The following FGF12 variants were observed in gnomAD, a reference collection of about 807,000 sequenced individuals.
FGF12 encodes the protein fibroblast growth factor 12.
In FGF12, 14 loss-of-function variants were observed where a neutral mutation model predicts 23.6. That is an observed-to-expected ratio of 0.59 (90% CI 0.39 to 0.93). FGF12 has a LOEUF of 0.93. Ranked by LOEUF, FGF12 falls within the 40% of genes least tolerant of loss-of-function variation. The pLI, the probability that FGF12 is intolerant of heterozygous loss-of-function variation, is 0.00. For synonymous variants in FGF12, 62 were observed against 77.3 expected (o/e 0.80, Z 1.04); for missense variants, 175 against 217.8 (o/e 0.80, Z 1.24).
chr3:192,686,815 A>ATTTTT lies in FGF12; in HGVS notation c.13+40361_13+40365dup, dbSNP rs57045697. ...AAAAAGACAATGACTTTTTTCTCTA[A>ATTTTT]TTTTTTTTTTTTTTTTTTTTTTTTT... On this transcript the variant is annotated intron_variant, in intron 2 of 5. Transcript: ENST00000445105. Among the ~76,000 whole-genome samples, 231 of 61,494 alleles carry ATTTTT rather than the reference A, an allele frequency of 3.8e-3. 25 individuals carry two copies. Among genetic ancestry groups the ATTTTT allele is most frequent in the African/African-American group, 0.016 (198 of 12,304 alleles). 40.3% of individuals were successfully genotyped at this position (61,494 alleles called of 152,430 possible).
Position 192,142,214 on chromosome 3 carries a change from C to A in FGF12, c.*1795G>T, listed in dbSNP as rs928557190. 6.6e-6 allele frequency: 1 copy of A among 152,458 alleles called. No individual in the cohort carries two copies. The allele number at this position is 152,458 out of a possible 1,614,324, so 9.4% of individuals were successfully genotyped here. On this transcript the variant is annotated 3_prime_UTR_variant, in exon 6 of 6. Transcript: ENST00000445105. ...ATTCCTTCATTTCATTTTCTGCTAA[C>A]CTCTAGATAACAGAAATAGGATACC...
At position 192,408,011 on chromosome 3, in the gene FGF12, G is replaced by A. The variant is rs752917783; in HGVS notation, c.14-47473C>T. 7.5e-6 allele frequency: 12 copies of A among 1,596,020 alleles called. No individual in the cohort carries two copies. Among genetic ancestry groups the A allele is most frequent in the Admixed American group, 6.8e-5 (4 of 58,484 alleles). On this transcript the variant is annotated intron_variant, in intron 2 of 5. Transcript: ENST00000445105. The surrounding 1 kb of genome is among the most constrained non-coding windows in gnomAD (Gnocchi z 7.3). ...GTCCCCTCTGGGGAGCCCACTCTCC[G>A]GGCTTCTACTGACCTGGTCTCCGCC...
chr3:192,681,589 G>A (rs1717528233), intron 2 of FGF12, among the ~76,000 whole-genome samples: 7 of 152,090 alleles, frequency 4.6e-5, no homozygotes, highest in Admixed American at 4.6e-4. Context: ...GTGACCAGAG[G>A]GATTTAGAAA....
intron 2 of FGF12, among the ~76,000 whole-genome samples, chr3:192,614,168 A>G (rs1288474350): frequency 6.6e-6 from 1 of 151,648 alleles, no homozygotes; most frequent in Non-Finnish European, 1.5e-5. Context: ...TTATTTCTAA[A>G]TTTTTATTTC....
chr3:192,272,162 A>T (rs896200415), intron 4 of FGF12, among the ~76,000 whole-genome samples: 1 of 152,204 alleles, frequency 6.6e-6, no homozygotes, highest in African/African-American at 2.4e-5. Context: ...CTGAAAATTA[A>T]ACAATCACCC....
At chr3:192,310,263 G>A (rs961494692) in intron 4 of FGF12, among the ~76,000 whole-genome samples, 2 of 152,180 alleles carry the variant, frequency 1.3e-5, no homozygotes, top group African/African-American at 4.8e-5. Flanking sequence ...GAGAGTGGAA[G>A]ACACATGTTG....
chr3:192,327,867 T>C (rs113829151), intron 4 of FGF12, among the ~76,000 whole-genome samples: 2,902 of 152,204 alleles, frequency 0.019, 86 homozygotes, highest in African/African-American at 0.066. Flanking sequence ...CCCCAGCTAA[T>C]TTTTAAATTT....
intron 2 of FGF12, among the ~76,000 whole-genome samples, chr3:192,428,935 T>C (rs1266496541): frequency 1.3e-5 from 2 of 152,044 alleles, no homozygotes; most frequent in Non-Finnish European, 2.9e-5. Context: ...CCTTCTCTCA[T>C]TCCTCCAGTC....
chr3:192,248,761 C>T (rs1247082601), intron 4 of FGF12, among the ~76,000 whole-genome samples: 2 of 152,096 alleles, frequency 1.3e-5, no homozygotes, highest in African/African-American at 2.4e-5. Context: ...GCCTGGGCAA[C>T]AGAGAGAGAC....
chr3:192,289,136 C>G (rs115836104), intron 4 of FGF12, among the ~76,000 whole-genome samples: 1 of 152,066 alleles, frequency 6.6e-6, no homozygotes, highest in Non-Finnish European at 1.5e-5. Flanking sequence ...CAGCCTCTGA[C>G]GATAGGAAAT....
intron 4 of FGF12, among the ~76,000 whole-genome samples, chr3:192,312,228 C>A (rs2108673818): frequency 6.6e-6 from 1 of 152,106 alleles, no homozygotes; most frequent in Admixed American, 6.5e-5. Flanking sequence ...TCCATGAAAC[C>A]ACTGCTTAAT....
At chr3:192,402,306 CG>C (rs1404001830) in intron 2 of FGF12, among the ~76,000 whole-genome samples, 1 of 152,172 alleles carries the variant, frequency 6.6e-6, no homozygotes, top group Non-Finnish European at 1.5e-5. Context: ...TCAAGGCTCC[CG>C]GCATTCAGGC....
At chr3:192,619,708 C>A (rs564455628) in intron 2 of FGF12, among the ~76,000 whole-genome samples, 2 of 152,134 alleles carry the variant, frequency 1.3e-5, no homozygotes, top group Admixed American at 1.3e-4. Flanking sequence ...CTATAATGTG[C>A]GAAATTGGAG....
rs1272548820 is a variant in FGF12 at position 192,392,597 on chromosome 3, A to T, written c.14-32059T>A. On this transcript the variant is annotated intron_variant, in intron 2 of 5. Transcript: ENST00000445105. ...GGCAACAAAAGTGAAACTCCGAGAG[A>T]GAGAGAGAGAGAGAGAGAGAGAGAG... is the stretch of plus-strand genomic sequence containing the variant. Among the ~76,000 whole-genome samples, 331 of 36,544 alleles carry T rather than the reference A, an allele frequency of 9.1e-3. 2 individuals are homozygous for T. Among genetic ancestry groups the T allele is most frequent in the African/African-American group, 0.086 (308 of 3,586 alleles). The allele number at this position is 36,544 out of a possible 152,430, so 24.0% of individuals were successfully genotyped here.
chr3:192,573,412 C>T (rs907427473), intron 2 of FGF12, among the ~76,000 whole-genome samples: 1 of 152,112 alleles, frequency 6.6e-6, no homozygotes, highest in African/African-American at 2.4e-5. Flanking sequence ...AGCAAATTGA[C>T]CTCTGTAATG....
At chr3:192,434,174 A>C (rs967894143) in intron 2 of FGF12, among the ~76,000 whole-genome samples, 1 of 152,166 alleles carries the variant, frequency 6.6e-6, no homozygotes, top group Non-Finnish European at 1.5e-5. Flanking sequence ...CCCAGAAAAC[A>C]AAACACATGT....
At chr3:192,478,321 C>T (rs1386982214) in intron 2 of FGF12, among the ~76,000 whole-genome samples, 4 of 152,092 alleles carry the variant, frequency 2.6e-5, no homozygotes, top group Admixed American at 2.0e-4. Flanking sequence ...TACTTATAGT[C>T]TTACAGCTAA....
chr3:192,328,345 A>C (rs755068120), intron 4 of FGF12, among the ~76,000 whole-genome samples: 1 of 152,224 alleles, frequency 6.6e-6, no homozygotes, highest in Non-Finnish European at 1.5e-5. Context: ...GATCAAGCAC[A>C]TGCGCAATGA....
At chr3:192,370,116 G>A (rs1204336304) in intron 2 of FGF12, among the ~76,000 whole-genome samples, 1 of 152,102 alleles carries the variant, frequency 6.6e-6, no homozygotes, top group East Asian at 1.9e-4. Context: ...TGCATGCAGG[G>A]GCTGGAGGCG....
Sources: allele counts gnomAD v4.1 joint callset (sites outside exome capture counted in the v4.1 genomes callset), GRCh38; gene constraint gnomAD v4.1.1; non-coding constraint Gnocchi (gnomAD v3.1); transcripts MANE v1.5; gene names NCBI Gene and HGNC (gene_info 2026-07-23, HGNC 2026-07-21).